ARMC5: variants seen among roughly 807,000 people sequenced by gnomAD.
ARMC5 encodes the protein armadillo repeat containing 5.
A neutral mutation model predicts 60.5 loss-of-function variants in ARMC5; 28 were observed. The ratio of observed to expected loss-of-function variants is 0.46; its 90% confidence interval spans 0.34 to 0.63. ARMC5 has a LOEUF of 0.63. Ranked by LOEUF, ARMC5 falls within the 30% of genes least tolerant of loss-of-function variation. The pLI is 0.01. For synonymous variants in ARMC5, 680 were observed against 607.3 expected (o/e 1.12, Z -1.76); for missense variants, 1,189 against 1,304.9 (o/e 0.91, Z 1.37).
At chr16:31,458,965 C>A, upstream of ARMC5, 1 of 1,535,616 alleles carries the variant, frequency 6.5e-7, no homozygotes, top group Non-Finnish European at 8.7e-7. Context: ...GAAGCGGCAG[C>A]GAACGTTCTC....
At position 31,464,700 on chromosome 16, in the gene ARMC5, G is replaced by A. The variant is rs762463367; in HGVS notation, c.1677G>A (p.Pro559=). The A allele has an allele frequency of 1.4e-5, 23 of 1,598,514 alleles. No individual in the cohort carries two copies. In the Admixed American group the frequency reaches 1.5e-4, roughly 10 times the overall value. The change falls in exon 4 of 6, where the codon CCG becomes CCA. Residue 559 remains proline (P), a synonymous_variant. Transcript: ENST00000268314. This position sits in a 1 kb window ranked among gnomAD's most constrained non-coding sequence, Gnocchi z 7.6. The stretch of plus-strand genomic sequence containing the variant: ...TGCTGACCTATGTGACCGGCGCACC[G>A]GGCCCGCCCAGCCCACGTGCACTGC... The part of the protein sequence containing the change: ...YGLLTYVTGA[P]GPPSPRALRI...
intron 4 of ARMC5, 158 bp downstream of exon 4, chr16:31,465,045 TC>T (rs761103963): frequency 1.9e-6 from 3 of 1,613,534 alleles, no homozygotes; most frequent in African/African-American, 1.3e-5. Flanking sequence ...AGCAGGGCGT[TC>T]CAGTCCCTCC....
At position 31,459,848 on chromosome 16, in the gene ARMC5, C is replaced by T. The variant is rs1413120445; in HGVS notation, c.324C>T (p.Gly108=). ...CTTCTAGCCCCGCCCCCGCGTCGGG[C>T]CCCGCCCCCTCCGCTGTGTCGTCGT... ...SGASSPAPAS[G]PAPSAVSSSS... is the part of the protein sequence containing the mutation. Residue 108 remains glycine, a synonymous_variant, in exon 1 of 6, where the codon GGC becomes GGT. Coordinates refer to ENST00000268314, the MANE Select transcript of ARMC5 (RefSeq NM_001105247.2). 6.3e-6 allele frequency: 10 copies of T among 1,583,208 alleles called. No homozygotes were observed. Among genetic ancestry groups the T allele is most frequent in the African/African-American group, 5.4e-5 (4 of 74,310 alleles).
upstream of ARMC5, chr16:31,459,357 T>G: frequency 1.3e-6 from 2 of 1,536,028 alleles, no homozygotes; most frequent in Non-Finnish European, 1.7e-6. Flanking sequence ...CCGCGCCTCG[T>G]GTGCAAGGAC....
In ARMC5 at chr16:31,459,924, A is replaced by T. The variant is rs1211970916; in HGVS notation, c.400A>T (p.Ser134Cys). Residue 134 changes from serine to cysteine, a missense_variant, in exon 1 of 6, where the codon AGC (serine) becomes TGC (cysteine). Physicochemically the swap from Ser to Cys is moderately radical, Grantham distance 112 (BLOSUM62 -1). Around this residue, in one of 2 missense-constraint regions of ARMC5, gnomAD observed 327 missense variants for 233.7 expected, o/e 1.40. Transcript: ENST00000268314. The stretch of plus-strand genomic sequence containing the variant: ...GCGCAAGACGCTGGACTTGGCGCTC[A>T]GCATCCTAGCCGATTGCTGTACGGA... The part of the protein sequence containing the change: ...RLRKTLDLAL[S>C]ILADCCTEGA... 2 of 1,605,654 alleles carry T rather than the reference A, an allele frequency of 1.2e-6. No homozygotes were observed. The highest frequency in any genetic ancestry group is 1.7e-6 in the Non-Finnish European group (2 of 1,179,736).
Position 31,459,949 on chromosome 16 carries a change from A to G in ARMC5, c.425A>G (p.Glu142Gly). Residue 142 changes from glutamate (E) to glycine (G), a missense_variant, in exon 1 of 6, where the codon GAA (glutamate) becomes GGA (glycine). Glu to Gly is a moderately conservative substitution (Grantham distance 98, BLOSUM62 -2). Around this residue, in one of 2 missense-constraint regions of ARMC5, gnomAD observed 327 missense variants for 233.7 expected, o/e 1.40. Coordinates refer to ENST00000268314, the MANE Select transcript of ARMC5 (RefSeq NM_001105247.2). ...AGCATCCTAGCCGATTGCTGTACGG[A>G]AGGGGCGTGCCGGACCGAAGTGCGC... ...ALSILADCCT[E>G]GACRTEVRRL... is the part of the protein sequence containing the mutation. 1.9e-6 allele frequency: 3 copies of G among 1,603,430 alleles called. No individual in the cohort carries two copies. Among genetic ancestry groups the G allele is most frequent in the Non-Finnish European group, 2.5e-6 (3 of 1,179,508 alleles).
At position 31,462,680 on chromosome 16, in the gene ARMC5, T is replaced by C; in HGVS notation, c.1133T>C (p.Leu378Pro). 6.2e-7 allele frequency: 1 copy of C among 1,613,794 alleles called. No homozygotes were observed. The highest frequency in any genetic ancestry group is 8.5e-7 in the Non-Finnish European group (1 of 1,180,026). The change falls in exon 3 of 6, where the codon CTG (leucine) becomes CCG (proline). Residue 378 changes from leucine (L) to proline (P), a missense_variant. Leu to Pro is a moderately conservative substitution (Grantham distance 98). This residue lies in a region of ARMC5 where 862 missense variants were observed against 1,071.2 expected (regional missense o/e 0.80). Coordinates refer to ENST00000268314, the MANE Select transcript of ARMC5 (RefSeq NM_001105247.2). This position sits in a 1 kb window ranked among gnomAD's most constrained non-coding sequence, Gnocchi z 7.2. ...AGGLDLLMGL[L>P]RDPRASAWHP... is the part of the protein sequence containing the mutation. ...GGCTTGGATCTACTGATGGGCCTGC[T>C]GCGGGACCCTCGTGCAAGCGCATGG...
chr16:31,458,817 C>T (rs1356650925), upstream of ARMC5: 1 of 1,531,766 alleles, frequency 6.5e-7, no homozygotes, highest in Admixed American at 2.0e-5. Context: ...CTGGCGCGGC[C>T]GACTGCGCTG....
In ARMC5 at chr16:31,466,149, C is replaced by T. The variant is rs369312303; in HGVS notation, c.2068C>T (p.Arg690Trp). 1.1e-5 allele frequency: 17 copies of T among 1,607,240 alleles called. No individual in the cohort carries two copies. The highest frequency in any genetic ancestry group is 1.7e-4 in the Middle Eastern group (1 of 6,060). The change falls in exon 6 of 6, where the codon CGG becomes TGG. Residue 690 changes from arginine to tryptophan, a missense_variant. This residue lies in a region of ARMC5 where 862 missense variants were observed against 1,071.2 expected (regional missense o/e 0.80). Coordinates refer to ENST00000268314, the MANE Select transcript of ARMC5 (RefSeq NM_001105247.2). This position sits in a 1 kb window ranked among gnomAD's most constrained non-coding sequence, Gnocchi z 8.0. ...CCGGCTCCTCCTTGCGGCGCTGACCCGGCCGGCCCCACACCCGCTCTTCCT... is the reference window on the plus strand; with the variant it reads ...CCGGCTCCTCCTTGCGGCGCTGACCTGGCCGGCCCCACACCCGCTCTTCCT... ...GLRLLLAALT[R>W]PAPHPLFLFF...
rs767908538 is a variant in ARMC5 at position 31,459,897 on chromosome 16, C to T, written c.373C>T (p.Leu125=). Residue 125 remains leucine, a synonymous_variant, in exon 1 of 6, where the codon CTG becomes TTG. Coordinates refer to ENST00000268314, the MANE Select transcript of ARMC5 (RefSeq NM_001105247.2). ...GTCTAGTCCTACGCCGCCAGTGCGC[C>T]TGCGCAAGACGCTGGACTTGGCGCT... ...SSSSPTPPVR[L]RKTLDLALSI... is the part of the protein sequence containing the mutation. 25 of 1,606,024 alleles carry T rather than the reference C, an allele frequency of 1.6e-5. 1 individual carries two copies. Among genetic ancestry groups the T allele is most frequent in the Non-Finnish European group, 2.1e-5 (25 of 1,179,882 alleles).
Position 31,462,497 on chromosome 16 carries a change from C to G in ARMC5, c.950C>G (p.Ala317Gly). ...TGTGCCCAGGGCCTGATTCGGCCTGCACTGGGCAATGCTGGTGGCGTGGAG... is the reference window on the plus strand; with the variant it reads ...TGTGCCCAGGGCCTGATTCGGCCTGGACTGGGCAATGCTGGTGGCGTGGAG... ...NLCAQGLIRP[A>G]LGNAGGVEVL... Residue 317 changes from alanine to glycine, a missense_variant, in exon 3 of 6, where the codon GCA becomes GGA. This residue lies in a region of ARMC5 where 862 missense variants were observed against 1,071.2 expected (regional missense o/e 0.80). Coordinates refer to ENST00000268314, the MANE Select transcript of ARMC5 (RefSeq NM_001105247.2). This position sits in a 1 kb window ranked among gnomAD's most constrained non-coding sequence, Gnocchi z 7.2. 1.2e-6 allele frequency: 2 copies of G among 1,612,068 alleles called. No individual in the cohort carries two copies. The highest frequency in any genetic ancestry group is 1.7e-6 in the Non-Finnish European group (2 of 1,179,926).
rs762754024 is a variant in ARMC5, at chr16:31,466,565, G to A, written c.2484G>A (p.Leu828=). Residue 828 remains leucine, a synonymous_variant, in exon 6 of 6, where the codon CTG becomes CTA. Coordinates refer to ENST00000268314, the MANE Select transcript of ARMC5 (RefSeq NM_001105247.2). This position sits in a 1 kb window ranked among gnomAD's most constrained non-coding sequence, Gnocchi z 8.0. ...GPVPPPGQPL[L]GSEAEEALEA... ...TGCCCCCACCAGGCCAGCCCCTGCT[G>A]GGTTCAGAGGCCGAGGAGGCACTGG... 6.2e-7 allele frequency: 1 copy of A among 1,609,102 alleles called. No homozygotes were observed. The highest frequency in any genetic ancestry group is 8.5e-7 in the Non-Finnish European group (1 of 1,179,328).
chr16:31,466,834 A>C lies in ARMC5; in HGVS notation c.2753A>C (p.Glu918Ala). Residue 918 changes from glutamate to alanine, a missense_variant, in exon 6 of 6, where the codon GAG becomes GCG. Transcript: ENST00000268314. This position sits in a 1 kb window ranked among gnomAD's most constrained non-coding sequence, Gnocchi z 8.0. ...AAGEEAGPLT[E>A]ALLAVVMGIE... ...GGTGAAGAGGCAGGGCCCCTGACGG[A>C]GGCTTTGCTGGCTGTGGTGATGGGG... 6.3e-7 allele frequency: 1 copy of C among 1,593,666 alleles called. No homozygotes were observed. Among genetic ancestry groups the C allele is most frequent in the Non-Finnish European group, 8.5e-7 (1 of 1,171,126 alleles).
Position 31,462,616 on chromosome 16 carries a change from C to A in ARMC5, c.1069C>A (p.Arg357Ser). Residue 357 changes from arginine to serine, a missense_variant, in exon 3 of 6, where the codon CGT becomes AGT. Transcript: ENST00000268314. The surrounding 1 kb of genome is among the most constrained non-coding windows in gnomAD (Gnocchi z 7.2). Reference protein sequence around the residue: ...PLVRAVCLLCREAINRARLRD... With the variant: ...PLVRAVCLLCSEAINRARLRD... ...GGTGCGGGCTGTGTGCCTCCTATGT[C>A]GTGAGGCCATCAACCGGGCCCGACT... 1 of 1,613,518 alleles carries A rather than the reference C, an allele frequency of 6.2e-7. No homozygotes were observed. The highest frequency in any genetic ancestry group is 8.5e-7 in the Non-Finnish European group (1 of 1,180,022).
Position 31,466,541 on chromosome 16 carries a change from GC to G in ARMC5, c.2465del (p.Pro822HisfsTer95). ...GGTGTGGGGCTGCCCTGGGGCCCGT[GC>G]CCCCACCAGGCCAGCCCCTGCTGGG... Reference protein sequence around the residue: ...RGCGAALGPVPPPGQPLLGSE... With the variant: ...RGCGAALGPVXPPGQPLLGSE... On this transcript the variant is annotated frameshift_variant, in exon 6 of 6. Transcript: ENST00000268314. LOFTEE classifies it high-confidence loss of function. The surrounding 1 kb of genome is among the most constrained non-coding windows in gnomAD (Gnocchi z 8.0). 1 of 1,608,124 alleles carries G rather than the reference GC, an allele frequency of 6.2e-7. No homozygotes were observed.
chr16:31,459,677 C>A lies in ARMC5; in HGVS notation c.153C>A (p.His51Gln). ...CGCTCCTAGCCCTCCGCACGCGCCA[C>A]ATCAAGGCAGCGGGGGGAATCGAGC... Reference protein sequence around the residue: ...SRALLALRTRHIKAAGGIERF... With the variant: ...SRALLALRTRQIKAAGGIERF... Residue 51 changes from histidine (H) to glutamine (Q), a missense_variant, in exon 1 of 6, where the codon CAC (histidine) becomes CAA (glutamine). Physicochemically the swap from His to Gln is conservative, Grantham distance 24. Transcript: ENST00000268314. 5 of 1,579,200 alleles carry A rather than the reference C, an allele frequency of 3.2e-6. No individual in the cohort carries two copies. Among genetic ancestry groups the A allele is most frequent in the Non-Finnish European group, 4.3e-6 (5 of 1,171,604 alleles).
Position 31,464,714 on chromosome 16 carries a change from C to G in ARMC5, c.1691C>G (p.Pro564Arg). 6.3e-7 allele frequency: 1 copy of G among 1,599,026 alleles called. No individual in the cohort carries two copies. Among genetic ancestry groups the G allele is most frequent in the Non-Finnish European group, 8.5e-7 (1 of 1,179,350 alleles). The change falls in exon 4 of 6, where the codon CCA (proline) becomes CGA (arginine). Residue 564 changes from proline to arginine, a missense_variant. Physicochemically the swap from Pro to Arg is moderately radical, Grantham distance 103. Around this residue, in one of 2 missense-constraint regions of ARMC5, gnomAD observed 862 missense variants for 1,071.2 expected, o/e 0.80. Coordinates refer to ENST00000268314, the MANE Select transcript of ARMC5 (RefSeq NM_001105247.2). This position sits in a 1 kb window ranked among gnomAD's most constrained non-coding sequence, Gnocchi z 7.6. ...YVTGAPGPPS[P>R]RALRILSRLT... is the part of the protein sequence containing the mutation. The stretch of plus-strand genomic sequence containing the variant: ...ACCGGCGCACCGGGCCCGCCCAGCC[C>G]ACGTGCACTGCGCATTCTGTCACGC...
chr16:31,465,147 C>T, intron 4 of ARMC5: 5 of 1,612,482 alleles, frequency 3.1e-6, no homozygotes, highest in Non-Finnish European at 4.2e-6. Flanking sequence ...CGCCCAGGAT[C>T]TGGGCTGGTC....
chr16:31,461,137 G>A (rs1440549672), intron 1 of ARMC5, among the ~76,000 whole-genome samples: 3 of 152,152 alleles, frequency 2.0e-5, no homozygotes, highest in South Asian at 4.1e-4. Context: ...CCCAGAGACT[G>A]GTATCTCTGT....
Sources: gnomAD v4.1 joint callset for allele counts (sites outside exome capture counted in the v4.1 genomes callset) on GRCh38, gnomAD v4.1.1 for gene constraint, gnomAD v4.1.1 regional missense constraint, Gnocchi (gnomAD v3.1) non-coding constraint, MANE v1.5 for transcripts, NCBI Gene and HGNC (gene_info 2026-07-23, HGNC 2026-07-21) for gene names.